The following ITGAE variants were observed in gnomAD, a reference collection of about 807,000 sequenced individuals.
ITGAE encodes the protein integrin subunit alpha E.
ITGAE carries 99 observed loss-of-function variants against 136.5 expected under a neutral mutation model. The ratio of observed to expected loss-of-function variants is 0.73; its 90% confidence interval spans 0.62 to 0.86. The LOEUF (loss-of-function observed/expected upper bound fraction) is 0.86, where lower values mean the gene tolerates loss of function less well. Ranked by LOEUF, ITGAE falls within the 40% of genes least tolerant of loss-of-function variation. ITGAE has a pLI of 0.00. For missense variants in ITGAE, 1,447 were observed against 1,515.3 expected (o/e 0.95, Z 0.75); for synonymous variants, 613 against 591.8 (o/e 1.04, Z -0.52).
At chr17:3,752,331 CG>C (rs903004124) in intron 14 of ITGAE, among the ~76,000 whole-genome samples, 1 of 152,204 alleles carries the variant, frequency 6.6e-6, no homozygotes, top group African/African-American at 2.4e-5. Flanking sequence ...GAGCAAGTCT[CG>C]GCATCACTGA....
At chr17:3,730,084 C>T (rs2051305931) in intron 23 of ITGAE, among the ~76,000 whole-genome samples, 1 of 152,204 alleles carries the variant, frequency 6.6e-6, no homozygotes, top group South Asian at 2.1e-4. Context: ...TGTTCCCCTC[C>T]CTGTGTCCAT....
rs567375472 is a variant in ITGAE, at chr17:3,724,277, A to C, written c.3085-533T>G. The C allele has an allele frequency of 6.3e-7, 1 of 1,589,044 alleles. No homozygotes were observed. Among genetic ancestry groups the C allele is most frequent in the Admixed American group, 1.7e-5 (1 of 58,376 alleles). On this transcript the variant is annotated intron_variant, in intron 26 of 30. Transcript: ENST00000263087. Reference sequence around the variant, plus strand: ...GCCCAAGCCTAACCGTGACCCCAAGACGCCTGGGGCTGCGAGCTCGGCCCC... The same window carrying C: ...GCCCAAGCCTAACCGTGACCCCAAGCCGCCTGGGGCTGCGAGCTCGGCCCC...
intron 1 of ITGAE, among the ~76,000 whole-genome samples, chr17:3,796,606 C>T (rs926762402): frequency 3.9e-5 from 6 of 152,112 alleles, no homozygotes; most frequent in African/African-American, 1.4e-4. Flanking sequence ...CCAATCCCCC[C>T]TCCCGTGTTG....
intron 28 of ITGAE, 69 bp from the exon 29 acceptor site, chr17:3,720,471 G>A: frequency 2.7e-6 from 2 of 746,064 alleles, no homozygotes; most frequent in East Asian, 5.1e-5. Flanking sequence ...TGTTTGAACA[G>A]CCTTCACCAC....
chr17:3,790,337 T>A (rs2052907296), intron 1 of ITGAE, among the ~76,000 whole-genome samples: 1 of 151,984 alleles, frequency 6.6e-6, no homozygotes, highest in Admixed American at 6.6e-5. Flanking sequence ...TGAAACCCTA[T>A]CTCTACTAAA....
rs1265613362 is a variant in ITGAE, at chr17:3,747,951, A to G, written c.2126T>C (p.Ile709Thr). ...CTCAGAGGCTGTGGTTACAGAGCTG[A>G]TTTCAAAACATAAACGGACATTCAC... ...GVVNVRLCFE[I>T]SSVTTASESG... The change falls in exon 17 of 31, where the codon ATC becomes ACC. Residue 709 changes from isoleucine to threonine, a missense_variant. By Grantham distance (89) the Ile-to-Thr change is moderately conservative (BLOSUM62 -1). Around this residue, in one of 3 missense-constraint regions of ITGAE, gnomAD observed 1,031 missense variants for 1,011.4 expected, o/e 1.02. Transcript: ENST00000263087. 1.2e-6 allele frequency: 2 copies of G among 1,605,750 alleles called. No individual in the cohort carries two copies. Among genetic ancestry groups the G allele is most frequent in the Admixed American group, 3.4e-5 (2 of 59,646 alleles).
intron 17 of ITGAE, among the ~76,000 whole-genome samples, chr17:3,746,855 T>C (rs2051729439): frequency 6.6e-6 from 1 of 152,124 alleles, no homozygotes; most frequent in African/African-American, 2.4e-5. Flanking sequence ...CCTCCCAAAG[T>C]GCTGGGATTA....
chr17:3,721,345 C>T (rs776280449), intron 28 of ITGAE, among the ~76,000 whole-genome samples: 1 of 137,818 alleles, frequency 7.3e-6, no homozygotes, highest in Non-Finnish European at 1.5e-5. Context: ...AATCATAGCT[C>T]ACTGAAGCTT....
At position 3,716,743 on chromosome 17, in the gene ITGAE, T is replaced by C; in HGVS notation, c.3389A>G (p.Lys1130Arg). 6.2e-7 allele frequency: 1 copy of C among 1,611,812 alleles called. No homozygotes were observed. Among genetic ancestry groups the C allele is most frequent in the Non-Finnish European group, 8.5e-7 (1 of 1,177,902 alleles). Residue 1130 changes from lysine to arginine, a missense_variant, in exon 30 of 31, where the codon AAA (lysine) becomes AGA (arginine). By Grantham distance (26) the Lys-to-Arg change is conservative (BLOSUM62 2). Around this residue, in one of 3 missense-constraint regions of ITGAE, gnomAD observed 1,031 missense variants for 1,011.4 expected, o/e 1.02. Coordinates refer to ENST00000263087, the MANE Select transcript of ITGAE (RefSeq NM_002208.5). The stretch of plus-strand genomic sequence containing the variant: ...CACCAGAAGTCCACCAACGCTGCCT[T>C]TAATGATGATAGGCAAAGAATGGTA... ...EKYHSLPIII[K>R]GSVGGLLVLI...
At chr17:3,727,498 C>T (rs2051241403) in intron 26 of ITGAE, among the ~76,000 whole-genome samples, 1 of 151,800 alleles carries the variant, frequency 6.6e-6, no homozygotes, top group Non-Finnish European at 1.5e-5. Context: ...CTCCCGGGCT[C>T]ACACCATTCT....
At chr17:3,732,147 C>T (rs170210) in intron 22 of ITGAE, among the ~76,000 whole-genome samples, 35,196 of 152,056 alleles carry the variant, frequency 0.23, 4,387 homozygotes, top group East Asian at 0.51. Context: ...CTCTGCTTCA[C>T]GGAGGTGAGC....
chr17:3,754,181 G>A (rs2051944175), intron 12 of ITGAE, among the ~76,000 whole-genome samples: 2 of 152,122 alleles, frequency 1.3e-5, no homozygotes, highest in Non-Finnish European at 2.9e-5. Flanking sequence ...ATACTCGTTC[G>A]CACACATTCA....
rs2915551 is a variant in ITGAE, at chr17:3,736,025, T to C, written c.2523-1076A>G. On this transcript the variant is annotated intron_variant, in intron 20 of 30. Transcript: ENST00000263087. ...CGGGTGTGGTGGCAGGTGCCTGTAA[T>C]CCCAGCTACTCGGGAGGCTGAGACA... is the stretch of plus-strand genomic sequence containing the variant. Among the ~76,000 whole-genome samples, 113 of 152,190 alleles carry C rather than the reference T, an allele frequency of 7.4e-4. 1 individual carries two copies. Among genetic ancestry groups the C allele is most frequent in the African/African-American group, 2.5e-3 (104 of 41,510 alleles).
intron 2 of ITGAE, among the ~76,000 whole-genome samples, chr17:3,771,562 CAG>C (rs1194458238): frequency 3.8e-5 from 5 of 130,300 alleles, no homozygotes; most frequent in East Asian, 2.2e-4. Context: ...TTTGGAGAGA[CAG>C]AGTTTCATTC....
intron 2 of ITGAE, among the ~76,000 whole-genome samples, chr17:3,770,515 C>T (rs1216419027): frequency 1.3e-5 from 2 of 152,122 alleles, no homozygotes; most frequent in Non-Finnish European, 2.9e-5. Flanking sequence ...GCCCTGGTCT[C>T]TTACATTTTA....
At chr17:3,723,946 C>A (rs778982419) in intron 26 of ITGAE, 2 of 1,553,528 alleles carry the variant, frequency 1.3e-6, no homozygotes, top group African/African-American at 1.4e-5. Context: ...ATGGCGGCTT[C>A]GCTCCCGGGA....
intron 16 of ITGAE, among the ~76,000 whole-genome samples, chr17:3,750,010 C>T (rs34861154): frequency 0.087 from 13,142 of 151,912 alleles, 623 homozygotes; most frequent in East Asian, 0.16. Context: ...AGGAAGACTC[C>T]GCCTCAGAAA....
At chr17:3,719,075 A>T (rs1252313270) in intron 29 of ITGAE, among the ~76,000 whole-genome samples, 4 of 150,042 alleles carry the variant, frequency 2.7e-5, no homozygotes, top group Admixed American at 2.6e-4. Flanking sequence ...CTATTTAAAA[A>T]AAATAAATAA....
chr17:3,745,745 T>C lies in ITGAE; in HGVS notation c.2319+19A>G. The stretch of plus-strand genomic sequence containing the variant: ...TGACAAAGACCCCTCCTGACTCCCA[T>C]CCAAACTCCGTCACTTACCTCTCCC... On this transcript the variant is annotated intron_variant, in intron 18 of 30. Coordinates refer to ENST00000263087, the MANE Select transcript of ITGAE (RefSeq NM_002208.5). The C allele has an allele frequency of 1.9e-6, 3 of 1,612,608 alleles. No individual in the cohort carries two copies. Among genetic ancestry groups the C allele is most frequent in the African/African-American group, 1.3e-5 (1 of 75,022 alleles).
Sources: allele counts gnomAD v4.1 joint callset (sites outside exome capture counted in the v4.1 genomes callset), GRCh38; gene constraint gnomAD v4.1.1; regional missense constraint gnomAD v4.1.1; transcripts MANE v1.5; gene names NCBI Gene and HGNC (gene_info 2026-07-23, HGNC 2026-07-21).